The following AHI1 variants were observed in gnomAD, a reference collection of about 807,000 sequenced individuals.
The protein encoded by AHI1 is Abelson helper integration site 1.
In AHI1, 123 loss-of-function variants were observed where a neutral mutation model predicts 149.3. That is an observed-to-expected ratio of 0.82 (90% confidence interval 0.71 to 0.96). The LOEUF is 0.96. Ranked by LOEUF, AHI1 falls within the 40% of genes least tolerant of loss-of-function variation. The pLI is 0.00. For missense variants in AHI1, 1,439 were observed against 1,422.7 expected, an observed-to-expected ratio of 1.01 and a Z score of -0.18; for synonymous variants, 475 against 459.8, an observed-to-expected ratio of 1.03 and a Z score of -0.42.
At chr6:135,368,802 T>C (rs1181631689) in intron 23 of AHI1, among the ~76,000 whole-genome samples, 2 of 152,198 alleles carry the variant, frequency 1.3e-5, no homozygotes, top group African/African-American at 4.8e-5. Context: ...GGTTGAGAAC[T>C]TGCCCCAGGC....
At chr6:135,462,856 G>C (rs999387391) in intron 8 of AHI1, among the ~76,000 whole-genome samples, 3 of 151,960 alleles carry the variant, frequency 2.0e-5, no homozygotes, top group Admixed American at 6.6e-5. Context: ...AGCCGAGATC[G>C]TGCCACTGCA....
chr6:135,383,066 A>G (rs2128470370), intron 23 of AHI1, among the ~76,000 whole-genome samples: 1 of 148,826 alleles, frequency 6.7e-6, no homozygotes, highest in African/African-American at 2.5e-5. Context: ...AGTATATATG[A>G]TTAATTTGGA....
intron 5 of AHI1, among the ~76,000 whole-genome samples, chr6:135,486,082 C>T (rs1452633679): frequency 6.6e-6 from 1 of 152,158 alleles, no homozygotes; most frequent in South Asian, 2.1e-4. Context: ...TGCTATGCAA[C>T]AAATATGGAC....
At chr6:135,387,963 G>C (rs1195705796) in intron 23 of AHI1, 1 of 1,613,362 alleles carries the variant, frequency 6.2e-7, no homozygotes, top group Non-Finnish European at 8.5e-7. Flanking sequence ...CAGTTCTTCT[G>C]GCTGGCTGAC....
chr6:135,382,566 C>T (rs542923390), intron 23 of AHI1, among the ~76,000 whole-genome samples: 1 of 152,172 alleles, frequency 6.6e-6, no homozygotes, highest in Admixed American at 6.6e-5. Flanking sequence ...AAAGTATGCA[C>T]TTCACTTCTC....
chr6:135,329,200 ATT>A (rs1366912744), intron 24 of AHI1, among the ~76,000 whole-genome samples: 5 of 152,200 alleles, frequency 3.3e-5, no homozygotes, highest in African/African-American at 1.2e-4. Context: ...TAAAGAATAG[ATT>A]TTCTCAATGG....
intron 23 of AHI1, among the ~76,000 whole-genome samples, chr6:135,363,702 A>C (rs1468236955): frequency 2.5e-4 from 33 of 133,818 alleles, no homozygotes; most frequent in Non-Finnish European, 4.4e-4. Context: ...TCCCTCCCGG[A>C]CGGGGCGGCT....
intron 22 of AHI1, among the ~76,000 whole-genome samples, chr6:135,399,517 G>A (rs73559999): frequency 0.02 from 3,066 of 152,074 alleles, 49 homozygotes; most frequent in African/African-American, 0.032. Context: ...TGTTTCTGGG[G>A]AGCCATCTTC....
At position 135,378,856 on chromosome 6, in the gene AHI1, C is replaced by CT. The variant is rs568026496; in HGVS notation, c.3109+15919dup. Among the ~76,000 whole-genome samples, 310 of 152,146 alleles carry CT rather than the reference C, an allele frequency of 2.0e-3. 4 individuals are homozygous for CT. The highest frequency in any genetic ancestry group is 6.8e-3 in the African/African-American group (283 of 41,530). On this transcript the variant is annotated intron_variant, in intron 23 of 28. Coordinates refer to ENST00000265602, the MANE Select transcript of AHI1 (RefSeq NM_001134831.2). Reference sequence around the variant, plus strand: ...GCTTCTTGTATTTTCTTGTTTCCTCCTTTTTTTCCTTACTGTCTTTCTGGG... The same window carrying CT: ...GCTTCTTGTATTTTCTTGTTTCCTCCTTTTTTTTCCTTACTGTCTTTCTGGG...
intron 24 of AHI1, among the ~76,000 whole-genome samples, chr6:135,329,660 T>C (rs1027655883): frequency 5.9e-5 from 9 of 152,208 alleles, no homozygotes; most frequent in Middle Eastern, 3.4e-3. Context: ...GATCAAGGAG[T>C]AGTTTTGACT....
intron 14 of AHI1, 30 bp downstream of exon 14, chr6:135,442,552 T>A (rs761891573): frequency 6.3e-7 from 1 of 1,576,974 alleles, no homozygotes; most frequent in Non-Finnish European, 8.6e-7. Context: ...TGGACTACAA[T>A]CAGATTAAAC....
chr6:135,365,038 T>G (rs1773966105), intron 23 of AHI1, among the ~76,000 whole-genome samples: 1 of 152,214 alleles, frequency 6.6e-6, no homozygotes, highest in African/African-American at 2.4e-5. Flanking sequence ...CTTCTACATG[T>G]GGCTTGCCAA....
At chr6:135,333,027 T>C (rs1788832674) in intron 24 of AHI1, among the ~76,000 whole-genome samples, 1 of 152,240 alleles carries the variant, frequency 6.6e-6, no homozygotes, top group Admixed American at 6.5e-5. Context: ...TGCCATCCTG[T>C]TGTTGTGTCT....
At chr6:135,399,140 T>C (rs192989763) in intron 22 of AHI1, among the ~76,000 whole-genome samples, 1 of 152,214 alleles carries the variant, frequency 6.6e-6, no homozygotes, top group African/African-American at 2.4e-5. Context: ...GCTGTGATGA[T>C]GCTACTGCAC....
At position 135,490,633 on chromosome 6, in the gene AHI1, T is replaced by C; in HGVS notation, c.125A>G (p.Glu42Gly). The change falls in exon 5 of 29, where the codon GAA (glutamate) becomes GGA (glycine). Residue 42 changes from glutamate (E) to glycine (G), a missense_variant. By Grantham distance (98) the Glu-to-Gly change is moderately conservative. Transcript: ENST00000265602. Reference sequence around the variant, plus strand: ...TGATCATTTACTTACTGAGATGTTTTCTTCAGACCTGACAAGTTTTTTCTT... The same window carrying C: ...TGATCATTTACTTACTGAGATGTTTCCTTCAGACCTGACAAGTTTTTTCTT... ...KLKKKLVRSE[E>G]NISPDTIRSN... 1.2e-6 allele frequency: 2 copies of C among 1,613,696 alleles called. No individual in the cohort carries two copies. Among genetic ancestry groups the C allele is most frequent in the Non-Finnish European group, 1.7e-6 (2 of 1,179,722 alleles).
chr6:135,490,792 A>G lies in AHI1; in HGVS notation c.11-45T>C, dbSNP rs146965488. On this transcript the variant is annotated intron_variant, in intron 4 of 28. Coordinates refer to ENST00000265602, the MANE Select transcript of AHI1 (RefSeq NM_001134831.2). ...GTGATTTTGTAAATGACTCTATCATAACACACAACCTACACTACTAGGATG... is the reference window on the plus strand; with the variant it reads ...GTGATTTTGTAAATGACTCTATCATGACACACAACCTACACTACTAGGATG... 959 of 1,604,500 alleles carry G rather than the reference A, an allele frequency of 6.0e-4. 4 individuals are homozygous for G. The African/African-American group carries it at 0.011, about 18-fold the overall frequency.
chr6:135,433,046 T>G lies in AHI1; in HGVS notation c.2247A>C (p.Ser749=). 2 of 1,612,324 alleles carry G rather than the reference T, an allele frequency of 1.2e-6. No homozygotes were observed. Among genetic ancestry groups the G allele is most frequent in the South Asian group, 2.2e-5 (2 of 91,054 alleles). Residue 749 remains serine (S), a synonymous_variant, in exon 16 of 29, where the codon TCA becomes TCC. Transcript: ENST00000265602. The part of the protein sequence containing the change: ...QFDVHKSFIN[S]LCFDTEGHHM... Reference sequence around the variant, plus strand: ...ACATACCTTCAGTATCAAAACAAAGTGAGTTGATAAAACTTTTGTGAACAT... The same window carrying G: ...ACATACCTTCAGTATCAAAACAAAGGGAGTTGATAAAACTTTTGTGAACAT...
In AHI1 at chr6:135,284,445, G is replaced by A. The variant is rs957317379; in HGVS notation, c.*1200C>T. 2.0e-5 allele frequency: 3 copies of A among 151,746 alleles called. No individual in the cohort carries two copies. Among genetic ancestry groups the A allele is most frequent in the South Asian group, 2.1e-4 (1 of 4,818 alleles). The allele number at this position is 151,746 out of a possible 1,614,324, so 9.4% of individuals were successfully genotyped here. A position where few individuals can be genotyped will look rare whatever the true frequency, so the allele number is the denominator to read the frequency against. On this transcript the variant is annotated 3_prime_UTR_variant, in exon 29 of 29. Coordinates refer to ENST00000265602, the MANE Select transcript of AHI1 (RefSeq NM_001134831.2). ...TTTATATTAGTTTTCACTTTCTTGG[G>A]GTTAAATATTTTATCAGCAGACCTT...
At chr6:135,330,457 C>A (rs1788385046) in intron 24 of AHI1, among the ~76,000 whole-genome samples, 1 of 152,158 alleles carries the variant, frequency 6.6e-6, no homozygotes, top group Admixed American at 6.5e-5. Context: ...AACGTATGTA[C>A]ACTGATCATT....
Sources: allele counts gnomAD v4.1 joint callset (sites outside exome capture counted in the v4.1 genomes callset), GRCh38; gene constraint gnomAD v4.1.1; transcripts MANE v1.5; gene names NCBI Gene and HGNC (gene_info 2026-07-23, HGNC 2026-07-21).